The following SNX10 variants were observed in gnomAD, a reference collection of about 807,000 sequenced individuals.
SNX10 encodes the protein sorting nexin-10.
Under a neutral mutation model 28.5 loss-of-function variants are expected in SNX10, and 25 were observed. The ratio of observed to expected loss-of-function variants is 0.88; its 90% CI spans 0.64 to 1.22. The LOEUF (loss-of-function observed/expected upper bound fraction) is 1.22, where lower values mean the gene tolerates loss of function less well. Among genes scored for constraint, SNX10 ranks in the 50% most tolerant of loss-of-function variants. The pLI, the probability that SNX10 is intolerant of heterozygous loss-of-function variation, is 0.00. For missense variants in SNX10, 223 were observed against 242.6 expected (o/e 0.92, Z 0.54); for synonymous variants, 62 against 81.4 (o/e 0.76, Z 1.28).
chr7:26,357,580 TTCTTG>T (rs1321090145), intron 2 of SNX10, among the ~76,000 whole-genome samples: 1 of 152,164 alleles, frequency 6.6e-6, no homozygotes, highest in Non-Finnish European at 1.5e-5. Flanking sequence ...TTTGGAGCCA[TTCTTG>T]TCTTCATGTG....
chr7:26,294,984 C>T (rs896366667), intron 1 of SNX10, among the ~76,000 whole-genome samples: 1 of 152,172 alleles, frequency 6.6e-6, no homozygotes, highest in African/African-American at 2.4e-5. Flanking sequence ...CCTATTGATA[C>T]TTACATTTAT....
chr7:26,309,598 C>T (rs73066420), intron 1 of SNX10, among the ~76,000 whole-genome samples: 12,201 of 152,166 alleles, frequency 0.08, 1,261 homozygotes, highest in African/African-American at 0.24. Context: ...CGGCTGTTGG[C>T]TTCTCCCGGG....
rs1432057970 is a variant in SNX10 at position 26,364,119 on chromosome 7, A to G, written c.112-416A>G. Among the ~76,000 whole-genome samples the G allele has an allele frequency of 9.2e-5, 14 of 152,244 alleles. No individual in the cohort carries two copies. Among genetic ancestry groups the G allele is most frequent in the Admixed American group, 6.5e-5 (1 of 15,284 alleles). On this transcript the variant is annotated intron_variant, in intron 3 of 6. Transcript: ENST00000338523. This position sits in a 1 kb window ranked among gnomAD's most constrained non-coding sequence, Gnocchi z 4.9. ...TTTCTGCAATGTCTCATAAAGGGTC[A>G]TGAGGAGGTGTCTCTAAGCCCCAAA... is the stretch of plus-strand genomic sequence containing the variant.
chr7:26,332,474 T>C (rs566640537), intron 1 of SNX10, among the ~76,000 whole-genome samples: 1 of 152,334 alleles, frequency 6.6e-6, no homozygotes, highest in Non-Finnish European at 1.5e-5. Context: ...TGATATAGTT[T>C]AGACACAGTC....
intron 2 of SNX10, 108 bp downstream of exon 2, chr7:26,346,574 G>A: frequency 2.3e-6 from 2 of 861,588 alleles, no homozygotes; most frequent in Non-Finnish European, 4.0e-6. Flanking sequence ...GAGGTTTCAT[G>A]AAAGACCAAA....
rs2128024589 is a variant in SNX10, at chr7:26,364,983, G to T, written c.213-64G>T. ...TACATAATTTGCCTTCACTTTGAGG[G>T]ATTTCTGTAACAGAAGCACCTTGAG... On this transcript the variant is annotated intron_variant, in intron 4 of 6. Coordinates refer to ENST00000338523, the MANE Select transcript of SNX10 (RefSeq NM_013322.3). This position sits in a 1 kb window ranked among gnomAD's most constrained non-coding sequence, Gnocchi z 4.9. 3 of 981,472 alleles carry T rather than the reference G, an allele frequency of 3.1e-6. No homozygotes were observed. The highest frequency in any genetic ancestry group is 4.9e-6 in the Non-Finnish European group (3 of 613,478). The allele number at this position is 981,472 out of a possible 1,614,324, so 60.8% of individuals were successfully genotyped here.
At chr7:26,359,824 A>G (rs566980754) in intron 2 of SNX10, among the ~76,000 whole-genome samples, 5 of 152,092 alleles carry the variant, frequency 3.3e-5, no homozygotes, top group Admixed American at 2.6e-4. Flanking sequence ...CGCCCAGCTG[A>G]TTTTTGTAGT....
At position 26,295,937 on chromosome 7, in the gene SNX10, G is replaced by A. The variant is rs1216428281; in HGVS notation, c.-24+3851G>A. 3.3e-5 allele frequency among the ~76,000 whole-genome samples: 5 copies of A among 152,312 alleles called. No individual in the cohort carries two copies. The East Asian group carries it at 5.8e-4, about 18-fold the overall frequency. ...ATTCAGACCTCTTGGTAGAATTGTCGTATTGGAAAGTTTTTGCTAAGAGAT... is the reference window on the plus strand; with the variant it reads ...ATTCAGACCTCTTGGTAGAATTGTCATATTGGAAAGTTTTTGCTAAGAGAT... On this transcript the variant is annotated intron_variant, in intron 1 of 6. Transcript: ENST00000338523.
chr7:26,333,471 C>G (rs1196691779), intron 1 of SNX10, among the ~76,000 whole-genome samples: 3 of 151,842 alleles, frequency 2.0e-5, no homozygotes, highest in Non-Finnish European at 2.9e-5. Context: ...CTACAGGTGC[C>G]CGCCACCGCA....
chr7:26,350,999 C>T (rs1246896424), intron 2 of SNX10, among the ~76,000 whole-genome samples: 1 of 151,768 alleles, frequency 6.6e-6, no homozygotes, highest in African/African-American at 2.4e-5. Flanking sequence ...CACTGCAGAA[C>T]ATTTTTGGAA....
rs569134573 is a variant in SNX10 at position 26,351,898 on chromosome 7, C to T, written c.24+5432C>T. Among the ~76,000 whole-genome samples, 354 of 151,956 alleles carry T rather than the reference C, an allele frequency of 2.3e-3. 1 individual carries two copies. The highest frequency in any genetic ancestry group is 7.7e-3 in the African/African-American group (319 of 41,472). ...GTCTAGATCTCCTGACCTCGTGATCCGCCCGCCTCGGCCTCCCAAAGTGCT... is the reference window on the plus strand; with the variant it reads ...GTCTAGATCTCCTGACCTCGTGATCTGCCCGCCTCGGCCTCCCAAAGTGCT... On this transcript the variant is annotated intron_variant, in intron 2 of 6. Transcript: ENST00000338523.
chr7:26,365,910 G>A (rs1789270773), intron 5 of SNX10, among the ~76,000 whole-genome samples: 1 of 152,188 alleles, frequency 6.6e-6, no homozygotes, highest in African/African-American at 2.4e-5. Flanking sequence ...TCTATAAAAT[G>A]GGGTAATCAT....
At chr7:26,305,240 C>T (rs1164813892) in intron 1 of SNX10, among the ~76,000 whole-genome samples, 1 of 152,190 alleles carries the variant, frequency 6.6e-6, no homozygotes, top group Non-Finnish European at 1.5e-5. Context: ...CTCCAGTCTT[C>T]TTCCTCTGTA....
intron 2 of SNX10, 53 bp downstream of exon 2, chr7:26,346,519 G>A: frequency 1.5e-6 from 2 of 1,375,424 alleles, no homozygotes; most frequent in Non-Finnish European, 2.1e-6. Context: ...GATTCACACA[G>A]GTTAGTTCTT....
chr7:26,323,207 G>A (rs755983617), intron 1 of SNX10, among the ~76,000 whole-genome samples: 39 of 152,038 alleles, frequency 2.6e-4, no homozygotes, highest in Non-Finnish European at 4.6e-4. Flanking sequence ...CCAGGATCAC[G>A]CCACTGCACT....
chr7:26,295,652 G>A (rs1786078826), intron 1 of SNX10, among the ~76,000 whole-genome samples: 1 of 152,194 alleles, frequency 6.6e-6, no homozygotes, highest in Non-Finnish European at 1.5e-5. Flanking sequence ...ATTAAGTGGT[G>A]CCAGATCAAT....
chr7:26,313,207 A>C (rs1469117294), intron 1 of SNX10, among the ~76,000 whole-genome samples: 2 of 152,202 alleles, frequency 1.3e-5, no homozygotes, highest in Admixed American at 6.5e-5. Flanking sequence ...ACCTGCCCCC[A>C]CTTTTTAAAA....
chr7:26,364,960 C>A lies in SNX10; in HGVS notation c.213-87C>A. 1.4e-6 allele frequency: 1 copy of A among 727,770 alleles called. No individual in the cohort carries two copies. The highest frequency in any genetic ancestry group is 1.6e-5 in the South Asian group (1 of 63,636). 45.1% of individuals were successfully genotyped at this position (727,770 alleles called of 1,614,324 possible). A position where few individuals can be genotyped will look rare whatever the true frequency, so the allele number is the denominator to read the frequency against. ...TAACTGTGTGATAATAATCATCATACATAATTTGCCTTCACTTTGAGGGAT... is the reference window on the plus strand; with the variant it reads ...TAACTGTGTGATAATAATCATCATAAATAATTTGCCTTCACTTTGAGGGAT... On this transcript the variant is annotated intron_variant, in intron 4 of 6. Transcript: ENST00000338523. This position sits in a 1 kb window ranked among gnomAD's most constrained non-coding sequence, Gnocchi z 4.9.
intron 2 of SNX10, among the ~76,000 whole-genome samples, chr7:26,355,966 C>T (rs896511989): frequency 7.2e-5 from 11 of 152,102 alleles, no homozygotes; most frequent in African/African-American, 2.7e-4. Flanking sequence ...TTGAAGAAAA[C>T]ATTTGTGAAA....
Sources: allele counts gnomAD v4.1 joint callset (sites outside exome capture counted in the v4.1 genomes callset), GRCh38; gene constraint gnomAD v4.1.1; non-coding constraint Gnocchi (gnomAD v3.1); transcripts MANE v1.5; gene names NCBI Gene and HGNC (gene_info 2026-07-23, HGNC 2026-07-21).